The following FRMD4A variants were observed in gnomAD, a reference collection of about 807,000 sequenced individuals.
FRMD4A encodes FERM domain-containing protein 4A.
In FRMD4A, 29 loss-of-function variants were observed where a neutral mutation model predicts 129.1. The ratio of observed to expected loss-of-function variants is 0.22; its 90% CI spans 0.17 to 0.31. The LOEUF is 0.31. Among genes scored for constraint, FRMD4A ranks in the 10% least tolerant of loss-of-function variants. The pLI is 1.00. For missense variants in FRMD4A, 1,272 were observed against 1,375.8 expected, an observed-to-expected ratio of 0.92 and a Z score of 1.19; for synonymous variants, 634 against 571.6, an observed-to-expected ratio of 1.11 and a Z score of -1.56.
At position 13,860,593 on chromosome 10, in the gene FRMD4A, G is replaced by A. The variant is rs181682772; in HGVS notation, c.46-1681C>T. The stretch of plus-strand genomic sequence containing the variant: ...TTTCCCCTGTATTTAGTGGCTAACC[G>A]GCCGCTTTAAGCAGATCTAAAGAAA... On this transcript the variant is annotated intron_variant, in intron 2 of 24. Coordinates refer to ENST00000357447, the MANE Select transcript of FRMD4A (RefSeq NM_018027.5). 1.9e-3 allele frequency among the ~76,000 whole-genome samples: 288 copies of A among 152,082 alleles called. 2 individuals are homozygous for A. The highest frequency in any genetic ancestry group is 2.7e-3 in the Non-Finnish European group (182 of 68,006).
intron 22 of FRMD4A, chr10:13,655,807 C>T (rs74123093): frequency 2.0e-5 from 3 of 152,180 alleles, no homozygotes; most frequent in African/African-American, 7.2e-5. Flanking sequence ...TACCATTTCT[C>T]TTCTCCTCAG....
chr10:14,325,684 T>G (rs17155049), intron 2 of FRMD4A, among the ~76,000 whole-genome samples: 1 of 152,254 alleles, frequency 6.6e-6, no homozygotes, highest in South Asian at 2.1e-4. Context: ...ACTGTAAGTA[T>G]GCTAAAGCCA....
chr10:14,118,112 C>T (rs1379905659), intron 2 of FRMD4A, among the ~76,000 whole-genome samples: 3 of 152,124 alleles, frequency 2.0e-5, no homozygotes, highest in African/African-American at 7.2e-5. Context: ...GTGAAATTGC[C>T]AAAGAATTTA....
At chr10:14,108,239 T>A (rs1051748152) in intron 2 of FRMD4A, among the ~76,000 whole-genome samples, 1 of 152,220 alleles carries the variant, frequency 6.6e-6, no homozygotes, top group African/African-American at 2.4e-5. Context: ...TATTTTCAGA[T>A]AAGTGCATTT....
chr10:13,970,348 C>T (rs1323299520), intron 2 of FRMD4A, among the ~76,000 whole-genome samples: 1 of 152,112 alleles, frequency 6.6e-6, no homozygotes, highest in African/African-American at 2.4e-5. Flanking sequence ...CGGGGCTGTG[C>T]CCATCTGTGA....
intron 6 of FRMD4A, among the ~76,000 whole-genome samples, chr10:13,782,238 T>C (rs2092755294): frequency 6.6e-6 from 1 of 152,072 alleles, no homozygotes; most frequent in Admixed American, 6.6e-5. Flanking sequence ...ACGTATTTGG[T>C]TATAAGAAGC....
intron 2 of FRMD4A, among the ~76,000 whole-genome samples, chr10:14,204,541 A>G (rs1471125690): frequency 1.3e-5 from 2 of 152,248 alleles, no homozygotes; most frequent in Non-Finnish European, 2.9e-5. Flanking sequence ...GAATTGCCAT[A>G]GTCACGGTTC....
intron 2 of FRMD4A, among the ~76,000 whole-genome samples, chr10:13,987,441 A>G (rs944278340): frequency 2.0e-5 from 3 of 152,232 alleles, no homozygotes; most frequent in Admixed American, 6.5e-5. Flanking sequence ...AGACTTGAAA[A>G]GCCTGAATAT....
At chr10:14,314,974 T>G (rs1226875314) in intron 2 of FRMD4A, among the ~76,000 whole-genome samples, 1 of 152,008 alleles carries the variant, frequency 6.6e-6, no homozygotes, top group Non-Finnish European at 1.5e-5. Context: ...TTTACTTTCC[T>G]TTATCTCTCT....
intron 2 of FRMD4A, among the ~76,000 whole-genome samples, chr10:13,911,530 C>T (rs138344097): frequency 3.5e-3 from 535 of 152,236 alleles, no homozygotes; most frequent in Middle Eastern, 6.8e-3. Flanking sequence ...AGCCTAAAAA[C>T]GGGCCATAGT....
chr10:13,661,239 G>T (rs1261935815), intron 19 of FRMD4A, among the ~76,000 whole-genome samples: 1 of 152,226 alleles, frequency 6.6e-6, no homozygotes. Flanking sequence ...CTCCAGGAAA[G>T]AAATGATCTA....
At chr10:13,859,998 G>A (rs556447232) in intron 2 of FRMD4A, among the ~76,000 whole-genome samples, 9 of 152,148 alleles carry the variant, frequency 5.9e-5, no homozygotes, top group Non-Finnish European at 1.2e-4. Flanking sequence ...CCAGTGGGGT[G>A]CTGGTGAATA....
intron 2 of FRMD4A, among the ~76,000 whole-genome samples, chr10:14,031,269 ATTT>A (rs11344544): frequency 2.8e-5 from 4 of 143,152 alleles, no homozygotes; most frequent in African/African-American, 5.2e-5. Context: ...TTTTATAGAC[ATTT>A]TTTTTTTTTT....
At chr10:14,263,789 G>C (rs572706169) in intron 2 of FRMD4A, among the ~76,000 whole-genome samples, 1 of 152,294 alleles carries the variant, frequency 6.6e-6, no homozygotes, top group Non-Finnish European at 1.5e-5. Context: ...TTTTCACTGC[G>C]ACTGGCGCCC....
chr10:14,001,287 G>A (rs1310612244), intron 2 of FRMD4A, among the ~76,000 whole-genome samples: 1 of 152,190 alleles, frequency 6.6e-6, no homozygotes, highest in Non-Finnish European at 1.5e-5. Flanking sequence ...CAACACCAAA[G>A]TTGAAAAGCA....
chr10:13,723,611 T>C (rs2089645304), intron 12 of FRMD4A, among the ~76,000 whole-genome samples: 1 of 152,222 alleles, frequency 6.6e-6, no homozygotes, highest in South Asian at 2.1e-4. Flanking sequence ...TTATCACAAT[T>C]TGAAAAATAT....
intron 2 of FRMD4A, among the ~76,000 whole-genome samples, chr10:13,974,221 A>G (rs1200908815): frequency 6.6e-6 from 1 of 152,110 alleles, no homozygotes; most frequent in Non-Finnish European, 1.5e-5. Context: ...ATGGTCTGGG[A>G]ATCTTTTGAG....
chr10:14,099,327 G>C (rs1205771911), intron 2 of FRMD4A, among the ~76,000 whole-genome samples: 2 of 150,990 alleles, frequency 1.3e-5, no homozygotes, highest in African/African-American at 5.0e-5. Flanking sequence ...TTAGAAAAGA[G>C]ATGAGAGACA....
rs372097999 is a variant in FRMD4A at position 13,994,205 on chromosome 10, C to T, written c.46-135293G>A. 3.0e-3 allele frequency among the ~76,000 whole-genome samples: 339 copies of T among 112,692 alleles called. 2 individuals are homozygous for T. Among genetic ancestry groups the T allele is most frequent in the African/African-American group, 0.011 (314 of 28,260 alleles). The allele number at this position is 112,692 out of a possible 152,430, so 73.9% of individuals were successfully genotyped here. On this transcript the variant is annotated intron_variant, in intron 2 of 24. Transcript: ENST00000357447. ...TTTTTTTTTTTTTTTTTTTTTGAGA[C>T]AGTCTCATTCTGTCACCAGGCTGGA...
Sources: allele counts gnomAD v4.1 joint callset (sites outside exome capture counted in the v4.1 genomes callset), GRCh38; gene constraint gnomAD v4.1.1; transcripts MANE v1.5; gene names NCBI Gene and HGNC (gene_info 2026-07-23, HGNC 2026-07-21).